Variants in ABCC4 observed in about 807,000 individuals in gnomAD.
The protein encoded by ABCC4 is ATP-binding cassette sub-family C member 4.
A neutral mutation model predicts 168.5 loss-of-function variants in ABCC4; 102 were observed. The ratio of observed to expected loss-of-function variants is 0.61; its 90% CI spans 0.52 to 0.71. ABCC4 has a LOEUF of 0.71. Among genes scored for constraint, ABCC4 ranks in the 30% least tolerant of loss-of-function variants. ABCC4 has a pLI of 0.00. For synonymous variants in ABCC4, 617 were observed against 590.7 expected (o/e 1.04, Z -0.65); for missense variants, 1,402 against 1,605.8 (o/e 0.87, Z 2.17).
At chr13:95,150,101 G>A (rs1008682230) in intron 19 of ABCC4, among the ~76,000 whole-genome samples, 2 of 152,120 alleles carry the variant, frequency 1.3e-5, no homozygotes, top group Non-Finnish European at 2.9e-5. Flanking sequence ...AGTCTCACGA[G>A]GAGCCGGTAC....
intron 1 of ABCC4, among the ~76,000 whole-genome samples, chr13:95,278,213 C>T (rs2041021006): frequency 6.6e-6 from 1 of 152,198 alleles, no homozygotes; most frequent in Non-Finnish European, 1.5e-5. Context: ...ATTTACATCA[C>T]TGTGCCCACA....
At chr13:95,257,910 T>C (rs2040432465) in intron 1 of ABCC4, among the ~76,000 whole-genome samples, 1 of 152,002 alleles carries the variant, frequency 6.6e-6, no homozygotes, top group African/African-American at 2.4e-5. Context: ...GGGAAATAAA[T>C]ATGAGTGTCT....
chr13:95,110,037 G>C (rs184420347), intron 20 of ABCC4, among the ~76,000 whole-genome samples: 143 of 152,288 alleles, frequency 9.4e-4, no homozygotes, highest in Non-Finnish European at 1.9e-3. Context: ...GGCCAGGCGT[G>C]ATGGCGCACG....
chr13:95,094,260 C>G (rs939134729), intron 20 of ABCC4, among the ~76,000 whole-genome samples: 76 of 152,228 alleles, frequency 5.0e-4, no homozygotes, highest in Non-Finnish European at 5.6e-4. Context: ...GGAGGCATCA[C>G]ACTACTTGAT....
intron 29 of ABCC4, among the ~76,000 whole-genome samples, chr13:95,038,593 G>A (rs951042675): frequency 5.3e-5 from 8 of 152,048 alleles, no homozygotes; most frequent in South Asian, 2.1e-4. Context: ...TGGGAGGACC[G>A]TGGTCATTCC....
intron 19 of ABCC4, among the ~76,000 whole-genome samples, chr13:95,122,089 C>T (rs901711120): frequency 3.3e-5 from 5 of 152,168 alleles, no homozygotes; most frequent in Non-Finnish European, 4.4e-5. Context: ...CTCTTCAGGG[C>T]AACTTCCTTC....
At chr13:95,252,829 TATA>T (rs1234621496) in intron 1 of ABCC4, among the ~76,000 whole-genome samples, 1 of 152,216 alleles carries the variant, frequency 6.6e-6, no homozygotes, top group African/African-American at 2.4e-5. Flanking sequence ...ACTGTACATC[TATA>T]AAGAGAGTGA....
At chr13:95,163,718 G>C (rs1165722280) in intron 16 of ABCC4, 71 bp from the exon 17 acceptor site, 2 of 1,295,500 alleles carry the variant, frequency 1.5e-6, no homozygotes, top group Admixed American at 3.6e-5. Context: ...ACTCTCAATC[G>C]CTAACATGGA....
At chr13:95,079,179 G>A (rs565014747) in intron 21 of ABCC4, among the ~76,000 whole-genome samples, 9 of 152,266 alleles carry the variant, frequency 5.9e-5, no homozygotes, top group African/African-American at 1.4e-4. Context: ...GAGGGAGAGC[G>A]TATGTCAAGC....
At chr13:95,289,268 CTGAATTCACAAGTG>C (rs1450885372) in intron 1 of ABCC4, among the ~76,000 whole-genome samples, 1 of 152,192 alleles carries the variant, frequency 6.6e-6, no homozygotes, top group East Asian at 1.9e-4. Context: ...CTCACGAGCT[CTGAATTCACAAGTG>C]TGAGATTTCC....
At chr13:95,215,863 AAAG>A (rs2039095790) in intron 4 of ABCC4, among the ~76,000 whole-genome samples, 1 of 152,248 alleles carries the variant, frequency 6.6e-6, no homozygotes, top group Non-Finnish European at 1.5e-5. Context: ...TTGCATTTAA[AAAG>A]AAGGCATAAA....
intron 4 of ABCC4, among the ~76,000 whole-genome samples, chr13:95,213,393 G>C (rs2039017614): frequency 6.6e-6 from 1 of 152,248 alleles, no homozygotes; most frequent in South Asian, 2.1e-4. Context: ...GGTGGAGGAA[G>C]AGATGGTTGT....
At chr13:95,078,544 C>A (rs529351676) in intron 21 of ABCC4, among the ~76,000 whole-genome samples, 1 of 152,152 alleles carries the variant, frequency 6.6e-6, no homozygotes, top group Non-Finnish European at 1.5e-5. Flanking sequence ...GTGACATGAC[C>A]GTAAGAGGAC....
intron 19 of ABCC4, among the ~76,000 whole-genome samples, chr13:95,158,332 G>A (rs1345929178): frequency 6.6e-6 from 1 of 152,082 alleles, no homozygotes; most frequent in Non-Finnish European, 1.5e-5. Flanking sequence ...TAAAATAATG[G>A]AGAAGACATT....
chr13:95,088,701 T>C (rs2034335520), intron 20 of ABCC4, among the ~76,000 whole-genome samples: 1 of 152,110 alleles, frequency 6.6e-6, no homozygotes, highest in Admixed American at 6.5e-5. Context: ...ATTTCAGGAC[T>C]GCAACTAATG....
chr13:95,067,858 C>T (rs138188943), intron 25 of ABCC4, among the ~76,000 whole-genome samples: 222 of 152,148 alleles, frequency 1.5e-3, no homozygotes, highest in Non-Finnish European at 1.9e-3. Flanking sequence ...CTGAAAAATG[C>T]TTTAAAATGG....
At chr13:95,105,105 T>G (rs2034957055) in intron 20 of ABCC4, among the ~76,000 whole-genome samples, 1 of 151,824 alleles carries the variant, frequency 6.6e-6, no homozygotes, top group African/African-American at 2.4e-5. Flanking sequence ...TGGTCCCATC[T>G]GGGGGTGATG....
chr13:95,145,459 TAAA>T (rs879937738), intron 19 of ABCC4, among the ~76,000 whole-genome samples: 4 of 117,832 alleles, frequency 3.4e-5, no homozygotes, highest in Non-Finnish European at 3.7e-5. Flanking sequence ...CATCTCTACC[TAAA>T]AAAAAAAAAA....
intron 19 of ABCC4, among the ~76,000 whole-genome samples, chr13:95,122,613 T>C (rs1345452513): frequency 2.0e-5 from 3 of 152,200 alleles, no homozygotes; most frequent in Non-Finnish European, 4.4e-5. Context: ...TGTGTCCCTG[T>C]TCCCATCAGG....
Sources: allele counts gnomAD v4.1 joint callset (sites outside exome capture counted in the v4.1 genomes callset), GRCh38; gene constraint gnomAD v4.1.1; transcripts MANE v1.5; gene names NCBI Gene and HGNC (gene_info 2026-07-23, HGNC 2026-07-21).